The following HERC1 variants were observed in gnomAD, a reference collection of about 807,000 sequenced individuals.
HERC1 encodes the protein HECT and RLD domain containing E3 ubiquitin protein ligase family member 1, also known as probable E3 ubiquitin-protein ligase HERC1.
HERC1 carries 160 observed loss-of-function variants against 554.3 expected under a neutral mutation model. The ratio of observed to expected loss-of-function variants is 0.29; its 90% CI spans 0.25 to 0.33. HERC1 has a LOEUF of 0.33. Among genes scored for constraint, HERC1 ranks in the 10% least tolerant of loss-of-function variants. HERC1 has a pLI of 1.00. For missense variants in HERC1, 4,919 were observed against 5,918.5 expected, an observed-to-expected ratio of 0.83 and a Z score of 5.54; for synonymous variants, 2,175 against 2,131.7, an observed-to-expected ratio of 1.02 and a Z score of -0.56.
chr15:63,666,295 GT>G, intron 41 of HERC1, 60 bp downstream of exon 41: 1 of 1,404,834 alleles, frequency 7.1e-7, no homozygotes, highest in Non-Finnish European at 9.9e-7. Flanking sequence ...AAGTTATGTT[GT>G]CTTTAATAAG....
intron 26 of HERC1, among the ~76,000 whole-genome samples, chr15:63,697,696 C>T (rs1357725463): frequency 6.6e-6 from 1 of 152,164 alleles, no homozygotes; most frequent in African/African-American, 2.4e-5. Context: ...CTCAGGTGAT[C>T]CACCCACCTT....
At chr15:63,625,773 A>C (rs1451777282) in intron 71 of HERC1, among the ~76,000 whole-genome samples, 2 of 152,050 alleles carry the variant, frequency 1.3e-5, no homozygotes, top group African/African-American at 4.8e-5. Context: ...AAACCAAAAC[A>C]CAGAAGGAAG....
Position 63,659,945 on chromosome 15 carries a change from T to C in HERC1, c.9224-9A>G, listed in dbSNP as rs374571339. ...CAACATGTCCCAGTCTTCTGGAATTTAAATAAATAAATGTATAGTATGTGA... is the reference window on the plus strand; with the variant it reads ...CAACATGTCCCAGTCTTCTGGAATTCAAATAAATAAATGTATAGTATGTGA... On this transcript the variant is annotated splice_polypyrimidine_tract_variant and intron_variant, in intron 46 of 77. Transcript: ENST00000443617. 314 of 1,566,438 alleles carry C rather than the reference T, an allele frequency of 2.0e-4. No homozygotes were observed. The highest frequency in any genetic ancestry group is 1.7e-4 in the Non-Finnish European group (193 of 1,140,660).
Position 63,633,945 on chromosome 15 carries a change from A to T in HERC1, c.12596T>A (p.Leu4199Ter). ...CATGGAACCATCTGCTGACACTGCC[A>T]AAGTGTGGTTTAATCCACAGGCCAC... Reference protein sequence around the residue: ...GQVACGLNHTLAVSADGSMVW... With the variant: ...GQVACGLNHT The change falls in exon 67 of 78, where the codon TTG (leucine) becomes TAG (stop). Residue 4199 changes from leucine to a stop codon, truncating the protein, a stop_gained. Transcript: ENST00000443617. LOFTEE classifies it high-confidence loss of function. The T allele has an allele frequency of 6.2e-7, 1 of 1,613,952 alleles. No individual in the cohort carries two copies. The highest frequency in any genetic ancestry group is 8.5e-7 in the Non-Finnish European group (1 of 1,179,834).
intron 55 of HERC1, among the ~76,000 whole-genome samples, chr15:63,647,352 G>C (rs2069410093): frequency 1.3e-5 from 2 of 151,136 alleles, no homozygotes; most frequent in Non-Finnish European, 2.9e-5. Flanking sequence ...AAAAACAACA[G>C]ATGTCGGCAA....
intron 12 of HERC1, 79 bp downstream of exon 12, chr15:63,746,839 C>G (rs766484706): frequency 5.9e-6 from 7 of 1,195,722 alleles, no homozygotes; most frequent in Non-Finnish European, 8.3e-6. Context: ...GTCCAATGTA[C>G]AGTTGAATAT....
intron 12 of HERC1, among the ~76,000 whole-genome samples, chr15:63,740,759 A>G (rs2074764311): frequency 6.6e-6 from 1 of 152,176 alleles, no homozygotes; most frequent in Non-Finnish European, 1.5e-5. Flanking sequence ...GTTCATTTTT[A>G]AAACTGGGGT....
intron 1 of HERC1, among the ~76,000 whole-genome samples, chr15:63,793,421 T>C (rs1180019712): frequency 2.0e-5 from 3 of 152,186 alleles, no homozygotes; most frequent in African/African-American, 7.2e-5. Flanking sequence ...CTCCCAACAG[T>C]GCCATGATAG....
At chr15:63,721,493 T>G (rs2073819447) in intron 19 of HERC1, among the ~76,000 whole-genome samples, 1 of 151,948 alleles carries the variant, frequency 6.6e-6, no homozygotes, top group Non-Finnish European at 1.5e-5. Context: ...GCCACTGCAC[T>G]CCAGCCTGGA....
chr15:63,691,719 T>A (rs1453830076), intron 31 of HERC1, among the ~76,000 whole-genome samples: 2 of 152,154 alleles, frequency 1.3e-5, no homozygotes, highest in African/African-American at 4.8e-5. Context: ...TAAAATACCA[T>A]GTGCCGTAGA....
chr15:63,730,179 G>T (rs1269275593), intron 14 of HERC1, among the ~76,000 whole-genome samples: 2 of 151,220 alleles, frequency 1.3e-5, no homozygotes, highest in Non-Finnish European at 2.9e-5. Flanking sequence ...AAGCAGCTGG[G>T]TGCGGTAGCT....
chr15:63,655,307 T>C (rs1030281763), intron 50 of HERC1, among the ~76,000 whole-genome samples: 3 of 152,188 alleles, frequency 2.0e-5, no homozygotes, highest in East Asian at 1.9e-4. Context: ...TGAGCCAAGA[T>C]TGTGCCACTG....
chr15:63,761,586 CAAA>C (rs11301389), intron 3 of HERC1, among the ~76,000 whole-genome samples: 7 of 119,236 alleles, frequency 5.9e-5, no homozygotes, highest in Non-Finnish European at 5.3e-5. Context: ...AAGACTGTCT[CAAA>C]AAAAAAAAAA....
chr15:63,630,697 T>C, intron 68 of HERC1, 62 bp from the exon 69 acceptor site: 4 of 1,503,786 alleles, frequency 2.7e-6, no homozygotes, highest in Middle Eastern at 1.8e-4. Context: ...AGTGCTTTTA[T>C]ATTTTCTGAT....
intron 1 of HERC1, among the ~76,000 whole-genome samples, chr15:63,789,137 C>A (rs1209675116): frequency 9.1e-6 from 1 of 109,396 alleles, no homozygotes. Context: ...GTCGCCCAGG[C>A]TGGAGTGCAG....
intron 44 of HERC1, among the ~76,000 whole-genome samples, chr15:63,662,438 CT>C (rs751187419): frequency 1.3e-5 from 2 of 152,156 alleles, no homozygotes; most frequent in Non-Finnish European, 2.9e-5. Context: ...ATTCTCTTTC[CT>C]GTAGGACTTA....
intron 53 of HERC1, among the ~76,000 whole-genome samples, chr15:63,650,990 C>T (rs189151680): frequency 6.6e-6 from 1 of 152,148 alleles, no homozygotes; most frequent in Admixed American, 6.5e-5. Flanking sequence ...CTCCCCAAAC[C>T]CTACTCTGAA....
intron 34 of HERC1, among the ~76,000 whole-genome samples, chr15:63,681,173 G>A (rs1320149495): frequency 2.0e-5 from 3 of 147,108 alleles, no homozygotes; most frequent in East Asian, 3.9e-4. Context: ...GAGACTAGGT[G>A]TATTGTTTTG....
Position 63,694,004 on chromosome 15 carries a change from T to A in HERC1, c.5634A>T (p.Lys1878Asn). Residue 1878 changes from lysine (K) to asparagine (N), a missense_variant, in exon 30 of 78, where the codon AAA becomes AAT. This residue lies in a region of HERC1 where 1,121 missense variants were observed against 1,244.0 expected (regional missense o/e 0.90). Coordinates refer to ENST00000443617, the MANE Select transcript of HERC1 (RefSeq NM_003922.4). The surrounding 1 kb of genome is among the most constrained non-coding windows in gnomAD (Gnocchi z 4.3). ...TCTCAGTTTCTCCACTGGAGTCAAC[T>A]TTTTTTTCTTCTTCTTCACCGTCTT... ...EQEDGEEEEK[K>N]VDSSGETEKK... The A allele has an allele frequency of 1.3e-6, 2 of 1,561,554 alleles. No homozygotes were observed. The highest frequency in any genetic ancestry group is 1.7e-6 in the Non-Finnish European group (2 of 1,151,660).
Sources: gnomAD v4.1 joint callset for allele counts (sites outside exome capture counted in the v4.1 genomes callset) on GRCh38, gnomAD v4.1.1 for gene constraint, gnomAD v4.1.1 regional missense constraint, Gnocchi (gnomAD v3.1) non-coding constraint, MANE v1.5 for transcripts, NCBI Gene and HGNC (gene_info 2026-07-23, HGNC 2026-07-21) for gene names.